Variants in PHKG1 observed in about 807,000 individuals in gnomAD.
The protein encoded by PHKG1 is phosphorylase b kinase gamma catalytic chain, skeletal muscle/heart isoform.
A neutral mutation model predicts 50.5 loss-of-function variants in PHKG1; 48 were observed. That is an observed-to-expected ratio of 0.95 (90% CI 0.75 to 1.21). PHKG1 has a LOEUF of 1.21. Ranked by LOEUF, PHKG1 falls within the 50% of genes most tolerant of loss-of-function variation. The probability of loss-of-function intolerance (pLI) is 0.00; values close to 1 mark genes in which losing one functional copy is unlikely to be tolerated. For missense variants in PHKG1, 487 were observed against 519.5 expected, an observed-to-expected ratio of 0.94 and a Z score of 0.61; for synonymous variants, 204 against 212.8, an observed-to-expected ratio of 0.96 and a Z score of 0.36.
rs577351430 is a variant in PHKG1, at chr7:56,080,974, C to A, written c.*80G>T. 6.6e-7 allele frequency: 1 copy of A among 1,522,638 alleles called. No homozygotes were observed. Among genetic ancestry groups the A allele is most frequent in the African/African-American group, 1.4e-5 (1 of 73,358 alleles). 94.3% of individuals were successfully genotyped at this position (1,522,638 alleles called of 1,614,324 possible). A position where few individuals can be genotyped will look rare whatever the true frequency, so the allele number is the denominator to read the frequency against. On this transcript the variant is annotated 3_prime_UTR_variant, in exon 10 of 10. Coordinates refer to ENST00000297373, the MANE Select transcript of PHKG1 (RefSeq NM_006213.5). ...AGTGCTCCTTCTGCAGAGGCCTGCA[C>A]GCATCTCACCCCTTTGACTTGTATT...
chr7:56,082,887 C>T (rs936597678), intron 6 of PHKG1, among the ~76,000 whole-genome samples: 5 of 151,874 alleles, frequency 3.3e-5, no homozygotes, highest in East Asian at 2.0e-4. Context: ...GCGGGCGGAT[C>T]GTAAGGTCAG....
chr7:56,088,930 GT>G lies in PHKG1; in HGVS notation c.11del (p.Asp4AlafsTer45). On this transcript the variant is annotated frameshift_variant, in exon 2 of 10. Transcript: ENST00000297373. LOFTEE classifies it high-confidence loss of function. Reference protein sequence around the residue: MTRDEALPDSHSAQ... With the variant: MTRXEALPDSHSAQ... ...CAGAATGAGAGTCCGGCAGTGCCTC[GT>G]CCCGGGTCATGCTCAGATCTTCAGT... 1 of 1,612,582 alleles carries G rather than the reference GT, an allele frequency of 6.2e-7. No individual in the cohort carries two copies. Among genetic ancestry groups the G allele is most frequent in the Non-Finnish European group, 8.5e-7 (1 of 1,178,850 alleles).
At position 56,080,325 on chromosome 7, in the gene PHKG1, G is replaced by A. The variant is rs1207441463; in HGVS notation, c.*729C>T. 1 of 152,716 alleles carries A rather than the reference G, an allele frequency of 6.5e-6. No homozygotes were observed. The highest frequency in any genetic ancestry group is 1.4e-5 in the Non-Finnish European group (1 of 71,756). 9.5% of individuals were successfully genotyped at this position (152,716 alleles called of 1,614,324 possible). On this transcript the variant is annotated 3_prime_UTR_variant, in exon 10 of 10. Coordinates refer to ENST00000297373, the MANE Select transcript of PHKG1 (RefSeq NM_006213.5). ...CTGTTGCCCAGGCTAGAGTGCACTG[G>A]TGATCACGGCTCACTCTAGCCTTGA...
chr7:56,084,281 G>T, intron 4 of PHKG1: 3 of 1,247,188 alleles, frequency 2.4e-6, no homozygotes, highest in Non-Finnish European at 3.4e-6. Context: ...ATGTATCGGG[G>T]CCTAAATGAT....
chr7:56,081,239 G>T lies in PHKG1; in HGVS notation c.979C>A (p.Pro327Thr). 1.9e-6 allele frequency: 3 copies of T among 1,613,400 alleles called. No individual in the cohort carries two copies. Among genetic ancestry groups the T allele is most frequent in the South Asian group, 1.1e-5 (1 of 91,080 alleles). Residue 327 changes from proline (P) to threonine (T), a missense_variant, in exon 10 of 10, where the codon CCT (proline) becomes ACT (threonine). Pro to Thr is a conservative substitution (Grantham distance 38). Transcript: ENST00000297373. This position sits in a 1 kb window ranked among gnomAD's most constrained non-coding sequence, Gnocchi z 4.6. ...CGGATGACGATCTCCCGGGTCACAG[G>T]CTTCACCCGGCGGTACTGGTAGTAG... The part of the protein sequence containing the change: ...RIYYQYRRVK[P>T]VTREIVIRDP...
chr7:56,084,370 AT>A (rs534790677), intron 4 of PHKG1: 101,025 of 405,290 alleles, frequency 0.25, 1,259 homozygotes, highest in South Asian at 0.28. Flanking sequence ...GAGTATCCCG[AT>A]TTTTTTTTTT....
chr7:56,087,594 T>C lies in PHKG1; in HGVS notation c.262+4A>G, dbSNP rs1796312649. On this transcript the variant is annotated splice_donor_region_variant and intron_variant, in intron 3 of 9. Coordinates refer to ENST00000297373, the MANE Select transcript of PHKG1 (RefSeq NM_006213.5). ...CTGCCGTGTGGCTTGGGGCCATCACTCACTGATGTTGGGGTGCCCTGAGAC... is the reference window on the plus strand; with the variant it reads ...CTGCCGTGTGGCTTGGGGCCATCACCCACTGATGTTGGGGTGCCCTGAGAC... 3 of 1,611,572 alleles carry C rather than the reference T, an allele frequency of 1.9e-6. No individual in the cohort carries two copies. The South Asian group carries it at 3.3e-5, about 18-fold the overall frequency.
chr7:56,085,670 C>T (rs1247104576), intron 4 of PHKG1, among the ~76,000 whole-genome samples: 1 of 152,050 alleles, frequency 6.6e-6, no homozygotes, highest in East Asian at 1.9e-4. Context: ...GAGATCTTTT[C>T]AAAAGGAAGT....
chr7:56,088,753 G>A, intron 2 of PHKG1, 106 bp downstream of exon 2: 2 of 709,080 alleles, frequency 2.8e-6, no homozygotes, highest in East Asian at 5.2e-5. Context: ...ACAGCACTTT[G>A]GGGATGAAAG....
At chr7:56,087,470 T>G in intron 3 of PHKG1, 128 bp downstream of exon 3, 4 of 803,072 alleles carry the variant, frequency 5.0e-6, no homozygotes, top group Non-Finnish European at 8.0e-6. Flanking sequence ...GCAGTGAGGG[T>G]GGAGCTGGGA....
chr7:56,087,761 C>T lies in PHKG1; in HGVS notation c.99G>A (p.Val33=). 1 of 1,612,366 alleles carries T rather than the reference C, an allele frequency of 6.2e-7. No individual in the cohort carries two copies. Among genetic ancestry groups the T allele is most frequent in the South Asian group, 1.1e-5 (1 of 91,082 alleles). The part of the protein sequence containing the change: ...KEILGRGVSS[V]VRRCIHKPTS... Reference sequence around the variant, plus strand: ...TGGGCTTGTGGATGCATCGCCTGACCACACTGCTAACGCCCCTGGGAGTGC... The same window carrying T: ...TGGGCTTGTGGATGCATCGCCTGACTACACTGCTAACGCCCCTGGGAGTGC... Residue 33 remains valine (V), a synonymous_variant, in exon 3 of 10, where the codon GTG becomes GTA. Coordinates refer to ENST00000297373, the MANE Select transcript of PHKG1 (RefSeq NM_006213.5).
intron 3 of PHKG1, 117 bp downstream of exon 3, chr7:56,087,481 G>T: frequency 4.4e-6 from 4 of 912,608 alleles, no homozygotes; most frequent in South Asian, 3.1e-5. Context: ...GGAGCTGGGA[G>T]CCTTGAGCCT....
rs1375360911 is a variant in PHKG1, at chr7:56,081,182, G to A, written c.1036C>T (p.Leu346Phe). 1 of 1,613,818 alleles carries A rather than the reference G, an allele frequency of 6.2e-7. No homozygotes were observed. The highest frequency in any genetic ancestry group is 8.5e-7 in the Non-Finnish European group (1 of 1,179,950). The change falls in exon 10 of 10, where the codon CTC becomes TTC. Residue 346 changes from leucine (L) to phenylalanine (F), a missense_variant. Transcript: ENST00000297373. This position sits in a 1 kb window ranked among gnomAD's most constrained non-coding sequence, Gnocchi z 4.6. The stretch of plus-strand genomic sequence containing the variant: ...ATTCGGAAAGCGTAGGCGTCGATGA[G>A]CCGGCGCAGAGGCCGGAGGGCATAG... ...DPYALRPLRR[L>F]IDAYAFRIYG...
At chr7:56,089,088 A>G (rs1423033915) in intron 1 of PHKG1, 113 bp from the exon 2 acceptor site, 1 of 585,816 alleles carries the variant, frequency 1.7e-6, no homozygotes, top group Admixed American at 2.9e-5. Flanking sequence ...ACACTGGCCT[A>G]TAGTGAATGT....
Position 56,087,674 on chromosome 7 carries a change from C to T in PHKG1, c.186G>A (p.Glu62=). Residue 62 remains glutamate (E), a synonymous_variant, in exon 3 of 10, where the codon GAG becomes GAA. Transcript: ENST00000297373. Reference sequence around the variant, plus strand: ...TGGCTTCTCGCAGCTCCCGCACCTCCTCCGGGCTGAAGCTGCCTCCACCGG... The same window carrying T: ...TGGCTTCTCGCAGCTCCCGCACCTCTTCCGGGCTGAAGCTGCCTCCACCGG... ...DVTGGGSFSP[E]EVRELREATL... is the part of the protein sequence containing the mutation. The T allele has an allele frequency of 6.2e-7, 1 of 1,614,030 alleles. No homozygotes were observed. The highest frequency in any genetic ancestry group is 8.5e-7 in the Non-Finnish European group (1 of 1,180,024).
At position 56,080,893 on chromosome 7, in the gene PHKG1, C is replaced by G; in HGVS notation, c.*161G>C. 1.2e-6 allele frequency: 1 copy of G among 812,314 alleles called. No homozygotes were observed. Among genetic ancestry groups the G allele is most frequent in the Non-Finnish European group, 1.9e-6 (1 of 527,200 alleles). The allele number at this position is 812,314 out of a possible 1,614,324, so 50.3% of individuals were successfully genotyped here. ...GGTGGGAACACCCACTTCCCTTGTG[C>G]ACAGCCTTTGAGAGGGGATCGTGGC... On this transcript the variant is annotated 3_prime_UTR_variant, in exon 10 of 10. Transcript: ENST00000297373.
At chr7:56,091,625 G>A (rs1796496382) in intron 1 of PHKG1, among the ~76,000 whole-genome samples, 1 of 152,184 alleles carries the variant, frequency 6.6e-6, no homozygotes, top group Non-Finnish European at 1.5e-5. Flanking sequence ...CCACTCAGCA[G>A]TGCCAAAGCT....
Position 56,087,583 on chromosome 7 carries a change from G to A in PHKG1, c.262+15C>T. The A allele has an allele frequency of 6.2e-7, 1 of 1,608,162 alleles. No individual in the cohort carries two copies. Among genetic ancestry groups the A allele is most frequent in the Non-Finnish European group, 8.5e-7 (1 of 1,176,370 alleles). On this transcript the variant is annotated intron_variant, in intron 3 of 9. Transcript: ENST00000297373. ...AGGGGGGCACCCTGCCGTGTGGCTT[G>A]GGGCCATCACTCACTGATGTTGGGG...
At chr7:56,088,675 G>T (rs892170379) in intron 2 of PHKG1, 184 bp downstream of exon 2, 5 of 511,880 alleles carry the variant, frequency 9.8e-6, no homozygotes, top group Non-Finnish European at 1.4e-5. Flanking sequence ...TTTTTGCTGG[G>T]AGAGGTTTCT....
Sources: gnomAD v4.1 joint callset for allele counts (sites outside exome capture counted in the v4.1 genomes callset) on GRCh38, gnomAD v4.1.1 for gene constraint, Gnocchi (gnomAD v3.1) non-coding constraint, MANE v1.5 for transcripts, NCBI Gene and HGNC (gene_info 2026-07-23, HGNC 2026-07-21) for gene names.